DUSP16: variants seen among roughly 807,000 people sequenced by gnomAD.
DUSP16 encodes dual specificity phosphatase 16, also known as dual specificity protein phosphatase 16.
In DUSP16, 21 loss-of-function variants were observed where a neutral mutation model predicts 58.3. That is an observed-to-expected ratio of 0.36 (90% CI 0.26 to 0.52). The LOEUF (loss-of-function observed/expected upper bound fraction) is 0.52. Among genes scored for constraint, DUSP16 ranks in the 20% least tolerant of loss-of-function variants. DUSP16 has a pLI of 0.94. For synonymous variants in DUSP16, 320 were observed against 323.8 expected (o/e 0.99, Z 0.12); for missense variants, 726 against 819.0 (o/e 0.89, Z 1.39).
chr12:12,547,953 G>A (rs1944671407), intron 1 of DUSP16, among the ~76,000 whole-genome samples: 1 of 152,118 alleles, frequency 6.6e-6, no homozygotes, highest in Admixed American at 6.5e-5. Context: ...ATGAGGAGAG[G>A]GAAGAAGAAG....
In DUSP16 at chr12:12,523,803, C is replaced by T. The variant is rs149707887; in HGVS notation, c.-365-2340G>A. Among the ~76,000 whole-genome samples the T allele has an allele frequency of 6.6e-3, 1,003 of 152,316 alleles. 11 individuals carry two copies. The highest frequency in any genetic ancestry group is 0.022 in the African/African-American group (930 of 41,572). ...AGATTGTCTGATTCCCAAACCAGGG[C>T]TTCTACTACTGGGTTGCCCTGTTTT... On this transcript the variant is annotated intron_variant, in intron 1 of 6. Coordinates refer to ENST00000298573, the MANE Select transcript of DUSP16 (RefSeq NM_030640.3).
chr12:12,482,134 TTAA>T (rs756806621), intron 5 of DUSP16, among the ~76,000 whole-genome samples: 2 of 152,230 alleles, frequency 1.3e-5, no homozygotes, highest in Non-Finnish European at 2.9e-5. Context: ...CTCATTAATT[TTAA>T]TAATTATCTA....
chr12:12,497,482 A>G (rs574650176), intron 4 of DUSP16, among the ~76,000 whole-genome samples: 2 of 152,306 alleles, frequency 1.3e-5, no homozygotes, highest in African/African-American at 4.8e-5. Context: ...GCCACTGACT[A>G]GCTCTGAAGT....
At chr12:12,494,721 G>A (rs2136205821) in intron 4 of DUSP16, among the ~76,000 whole-genome samples, 1 of 152,274 alleles carries the variant, frequency 6.6e-6, no homozygotes, top group Non-Finnish European at 1.5e-5. Flanking sequence ...GACATTGAAA[G>A]AGGATGAGCA....
intron 3 of DUSP16, among the ~76,000 whole-genome samples, chr12:12,507,519 A>G (rs1254747127): frequency 1.3e-5 from 2 of 152,214 alleles, no homozygotes; most frequent in African/African-American, 4.8e-5. Flanking sequence ...TTTTCCTAAA[A>G]AGTCATATGC....
In DUSP16 at chr12:12,477,117, T is replaced by A; in HGVS notation, c.1714A>T (p.Ile572Phe). Reference protein sequence around the residue: ...ESSHFYSASAIYGGSASYSAY... With the variant: ...ESSHFYSASAFYGGSASYSAY... ...GAGTAACTGGCACTGCCTCCGTAGA[T>A]GGCTGAGGCAGAGTAGAAGTGTGAG... Residue 572 changes from isoleucine to phenylalanine, a missense_variant, in exon 7 of 7, where the codon ATC becomes TTC. Ile to Phe is a conservative substitution (Grantham distance 21). Transcript: ENST00000298573. This position sits in a 1 kb window ranked among gnomAD's most constrained non-coding sequence, Gnocchi z 4.1. 6.2e-7 allele frequency: 1 copy of A among 1,614,222 alleles called. No individual in the cohort carries two copies. Among genetic ancestry groups the A allele is most frequent in the Non-Finnish European group, 8.5e-7 (1 of 1,180,034 alleles).
At chr12:12,480,563 TGTTAATAAGCAATTC>T (rs1565973791) in intron 5 of DUSP16, among the ~76,000 whole-genome samples, 2 of 152,194 alleles carry the variant, frequency 1.3e-5, no homozygotes, top group Admixed American at 6.5e-5. Flanking sequence ...CAAAACTGTT[TGTTAATAAGCAATTC>T]GTTAATAAGC....
chr12:12,489,961 A>G (rs1943739639), intron 4 of DUSP16, among the ~76,000 whole-genome samples: 1 of 152,236 alleles, frequency 6.6e-6, no homozygotes, highest in Non-Finnish European at 1.5e-5. Context: ...TGTCTCATTT[A>G]ATTCTCACAA....
In DUSP16 at chr12:12,476,727, T is replaced by C. The variant is rs1235030569; in HGVS notation, c.*106A>G. The stretch of plus-strand genomic sequence containing the variant: ...TTGCTTTTACACCATAGCTCCATTT[T>C]CCAAAAATATATATGTATGTACATA... On this transcript the variant is annotated 3_prime_UTR_variant, in exon 7 of 7. Transcript: ENST00000298573. 3 of 1,075,172 alleles carry C rather than the reference T, an allele frequency of 2.8e-6. No individual in the cohort carries two copies. Among genetic ancestry groups the C allele is most frequent in the Non-Finnish European group, 3.9e-6 (3 of 763,034 alleles). 66.6% of individuals were successfully genotyped at this position (1,075,172 alleles called of 1,614,324 possible).
chr12:12,553,484 C>T (rs1944761687), intron 1 of DUSP16, among the ~76,000 whole-genome samples: 1 of 152,204 alleles, frequency 6.6e-6, no homozygotes, highest in African/African-American at 2.4e-5. Context: ...TTATAAACTA[C>T]AAGGTACACT....
In DUSP16 at chr12:12,500,575, G is replaced by A; in HGVS notation, c.475C>T (p.Pro159Ser). Residue 159 changes from proline (P) to serine (S), a missense_variant, in exon 4 of 7, where the codon CCA (proline) becomes TCA (serine). Coordinates refer to ENST00000298573, the MANE Select transcript of DUSP16 (RefSeq NM_030640.3). ...TAAAGATTGGGAAGAATTCGGGTTGGCCCAATGTTGGCAACAGGTAAGCAA... is the reference window on the plus strand; with the variant it reads ...TAAAGATTGGGAAGAATTCGGGTTGACCCAATGTTGGCAACAGGTAAGCAA... ...QPCLPVANIGPTRILPNLYLG... is the reference protein window; with the variant it reads ...QPCLPVANIGSTRILPNLYLG... The A allele has an allele frequency of 6.2e-7, 1 of 1,612,120 alleles. No individual in the cohort carries two copies. Among genetic ancestry groups the A allele is most frequent in the South Asian group, 1.1e-5 (1 of 90,618 alleles).
rs1453005645 is a variant in DUSP16, at chr12:12,476,467, C to CT, written c.*365dup. On this transcript the variant is annotated 3_prime_UTR_variant, in exon 7 of 7. Coordinates refer to ENST00000298573, the MANE Select transcript of DUSP16 (RefSeq NM_030640.3). The stretch of plus-strand genomic sequence containing the variant: ...TACTATGGAAGGGTCCGGACAAAGA[C>CT]TAATATTTGAGATCTCTTAGTAGCA... 1 of 183,268 alleles carries CT rather than the reference C, an allele frequency of 5.5e-6. No homozygotes were observed. Among genetic ancestry groups the CT allele is most frequent in the Admixed American group, 5.8e-5 (1 of 17,338 alleles). The allele number at this position is 183,268 out of a possible 1,614,324, so 11.4% of individuals were successfully genotyped here. A position where few individuals can be genotyped will look rare whatever the true frequency, so the allele number is the denominator to read the frequency against.
At position 12,536,467 on chromosome 12, in the gene DUSP16, G is replaced by A. The variant is rs996387335; in HGVS notation, c.-365-15004C>T. On this transcript the variant is annotated intron_variant, in intron 1 of 6. Coordinates refer to ENST00000298573, the MANE Select transcript of DUSP16 (RefSeq NM_030640.3). ...ACATAATAAAAGGCTGAAATAGGCCGGGCACAGTGGCTCATGCATGTAATC... is the reference window on the plus strand; with the variant it reads ...ACATAATAAAAGGCTGAAATAGGCCAGGCACAGTGGCTCATGCATGTAATC... Among the ~76,000 whole-genome samples the A allele has an allele frequency of 5.9e-5, 9 of 152,154 alleles. No homozygotes were observed. In the South Asian group the frequency reaches 6.2e-4, roughly 11 times the overall value.
At chr12:12,530,504 A>G (rs1483773159) in intron 1 of DUSP16, among the ~76,000 whole-genome samples, 2 of 152,170 alleles carry the variant, frequency 1.3e-5, no homozygotes, top group African/African-American at 4.8e-5. Flanking sequence ...GAAGCTTTTT[A>G]GCTTGACATA....
intron 1 of DUSP16, among the ~76,000 whole-genome samples, chr12:12,529,358 C>A (rs1217796800): frequency 6.6e-6 from 1 of 152,232 alleles, no homozygotes; most frequent in East Asian, 1.9e-4. Context: ...AATTCTCATA[C>A]ATTGGCCTCC....
At chr12:12,542,388 G>GAAAAAAAAAAAAGA (rs1944574408) in intron 1 of DUSP16, among the ~76,000 whole-genome samples, 1 of 109,706 alleles carries the variant, frequency 9.1e-6, no homozygotes, top group Admixed American at 1.0e-4. Context: ...AAAGAAAAGA[G>GAAAAAAAAAAAAGA]AAAAAAAAAA....
chr12:12,479,051 A>G (rs1366483370), intron 6 of DUSP16, among the ~76,000 whole-genome samples: 2 of 152,232 alleles, frequency 1.3e-5, no homozygotes, highest in Non-Finnish European at 2.9e-5. Flanking sequence ...GCTGGATTCA[A>G]AACCAGGCTG....
chr12:12,521,042 C>T lies in DUSP16; in HGVS notation c.57G>A (p.Leu19=). The T allele has an allele frequency of 6.2e-7, 1 of 1,614,172 alleles. No homozygotes were observed. The highest frequency in any genetic ancestry group is 8.5e-7 in the Non-Finnish European group (1 of 1,180,034). Residue 19 remains leucine (L), a synonymous_variant, in exon 2 of 7, where the codon CTG becomes CTA. Transcript: ENST00000298573. ...GCAGCACTTTTTCCGTTCCACTTTC[C>T]AGCAGAGCCACCAACCTCTCAGTAA... is the stretch of plus-strand genomic sequence containing the variant. ...QIVTERLVAL[L]ESGTEKVLLI... is the part of the protein sequence containing the mutation.
chr12:12,503,328 C>T (rs1178155181), intron 3 of DUSP16, among the ~76,000 whole-genome samples: 4 of 149,872 alleles, frequency 2.7e-5, no homozygotes, highest in African/African-American at 4.9e-5. Flanking sequence ...CGGGTTCAAG[C>T]GATTCTCCTG....
Sources: gnomAD v4.1 joint callset for allele counts (sites outside exome capture counted in the v4.1 genomes callset) on GRCh38, gnomAD v4.1.1 for gene constraint, Gnocchi (gnomAD v3.1) non-coding constraint, MANE v1.5 for transcripts, NCBI Gene and HGNC (gene_info 2026-07-23, HGNC 2026-07-21) for gene names.